Variants in DDI2 observed in about 807,000 individuals in gnomAD.
DDI2 encodes protein DDI1 homolog 2.
A neutral mutation model predicts 48.1 loss-of-function variants in DDI2; 5 were observed. The observed-to-expected ratio is 0.10, with a 90% CI of 0.05 to 0.22. The LOEUF (loss-of-function observed/expected upper bound fraction) is 0.22. DDI2 is among the 10% of genes least tolerant of loss of function. The pLI is 1.00. For synonymous variants in DDI2, 205 were observed against 183.6 expected (o/e 1.12, Z -0.94); for missense variants, 285 against 506.2 (o/e 0.56, Z 4.19).
rs1245661252 is a variant in DDI2, at chr1:15,654,652, G to C, written c.1184-1965G>C. ...AGCCTGGGTGACAGAGTGAGATCCT[G>C]TGTCCAAAAAAAAAAAAAAAACAAC... On this transcript the variant is annotated intron_variant, in intron 8 of 9. Transcript: ENST00000480945. Among the ~76,000 whole-genome samples the C allele has an allele frequency of 2.2e-5, 3 of 137,930 alleles. No homozygotes were observed. In the East Asian group the frequency reaches 6.0e-4, roughly 28 times the overall value. 90.5% of individuals were successfully genotyped at this position (137,930 alleles called of 152,430 possible).
At chr1:15,658,678 C>G (rs370983298) in intron 9 of DDI2, among the ~76,000 whole-genome samples, 2 of 151,166 alleles carry the variant, frequency 1.3e-5, no homozygotes, top group African/African-American at 2.4e-5. Flanking sequence ...CGCTTGGACC[C>G]GGGAGGCGGA....
At chr1:15,618,488 A>G (rs1639602319) in intron 1 of DDI2, among the ~76,000 whole-genome samples, 2 of 152,170 alleles carry the variant, frequency 1.3e-5, no homozygotes, top group South Asian at 4.1e-4. Flanking sequence ...CCCTGGTAGT[A>G]AGCCAGAAGG....
At position 15,652,058 on chromosome 1, in the gene DDI2, C is replaced by CTTTTTTTTTTTTTTTTTT. The variant is rs772990709; in HGVS notation, c.1183+170_1183+187dup. Among the ~76,000 whole-genome samples, 37 of 75,972 alleles carry CTTTTTTTTTTTTTTTTTT rather than the reference C, an allele frequency of 4.9e-4. 1 individual carries two copies. The highest frequency in any genetic ancestry group is 2.3e-3 in the African/African-American group (35 of 15,216). The allele number at this position is 75,972 out of a possible 152,430, so 49.8% of individuals were successfully genotyped here. A position where few individuals can be genotyped will look rare whatever the true frequency, so the allele number is the denominator to read the frequency against. The stretch of plus-strand genomic sequence containing the variant: ...TTCTTAACCTCCTTCTTTGATCTTC[C>CTTTTTTTTTTTTTTTTTT]TTTTTTTTTTTTTTTTTTTTTTTTG... On this transcript the variant is annotated intron_variant, in intron 8 of 9. Transcript: ENST00000480945.
At chr1:15,619,788 A>G (rs1317099173) in intron 1 of DDI2, among the ~76,000 whole-genome samples, 4 of 152,022 alleles carry the variant, frequency 2.6e-5, no homozygotes, top group African/African-American at 7.2e-5. Context: ...TCTAGCTGTT[A>G]TATTACCCTG....
intron 5 of DDI2, 109 bp downstream of exon 5, chr1:15,638,543 T>C (rs2103470261): frequency 7.6e-7 from 1 of 1,322,014 alleles, no homozygotes; most frequent in East Asian, 2.5e-5. Flanking sequence ...TTTTTTTTTT[T>C]TTTTTTTTTG....
chr1:15,637,603 G>A (rs751472794), intron 4 of DDI2, among the ~76,000 whole-genome samples: 3 of 152,114 alleles, frequency 2.0e-5, no homozygotes, highest in Non-Finnish European at 4.4e-5. Flanking sequence ...CCTGACCTCC[G>A]GTGATCCACC....
In DDI2 at chr1:15,665,383, A is replaced by G. The variant is rs1640437897; in HGVS notation, c.*5593A>G. Reference sequence around the variant, plus strand: ...ATCTTCTAGAGCTCCCTGTCTTCATATGTACTAAAGGGAGACACAACCCTA... The same window carrying G: ...ATCTTCTAGAGCTCCCTGTCTTCATGTGTACTAAAGGGAGACACAACCCTA... On this transcript the variant is annotated 3_prime_UTR_variant, in exon 10 of 10. Transcript: ENST00000480945. 1.3e-5 allele frequency: 2 copies of G among 152,062 alleles called. No homozygotes were observed. Among genetic ancestry groups the G allele is most frequent in the Non-Finnish European group, 2.9e-5 (2 of 68,060 alleles). 9.4% of individuals were successfully genotyped at this position (152,062 alleles called of 1,614,324 possible). A position where few individuals can be genotyped will look rare whatever the true frequency, so the allele number is the denominator to read the frequency against.
chr1:15,641,047 G>A (rs752448511), intron 5 of DDI2, among the ~76,000 whole-genome samples: 4 of 152,180 alleles, frequency 2.6e-5, no homozygotes, highest in African/African-American at 7.2e-5. Flanking sequence ...TAGAATGTAC[G>A]GCTGGAAAGA....
intron 6 of DDI2, among the ~76,000 whole-genome samples, chr1:15,647,367 C>G (rs537967381): frequency 6.6e-6 from 1 of 151,910 alleles, no homozygotes; most frequent in Non-Finnish European, 1.5e-5. Flanking sequence ...AGGCTGGTCT[C>G]GAACTCCTGA....
At chr1:15,646,463 G>A (rs998630235) in intron 6 of DDI2, among the ~76,000 whole-genome samples, 2 of 152,180 alleles carry the variant, frequency 1.3e-5, no homozygotes, top group East Asian at 1.9e-4. Flanking sequence ...GAGGCAGGTG[G>A]ATCACCTGAG....
At chr1:15,629,476 A>G (rs1347565773) in intron 2 of DDI2, among the ~76,000 whole-genome samples, 4 of 151,858 alleles carry the variant, frequency 2.6e-5, no homozygotes, top group African/African-American at 9.7e-5. Flanking sequence ...ACACGCCTGT[A>G]ATCCCAGCTA....
chr1:15,666,720 G>C lies in DDI2; in HGVS notation c.*6930G>C, dbSNP rs1035793313. ...GGTAACTAAAACAGATTGGAACCCT[G>C]CCCTTGTGAAGCTTTCAGTCTAGAA... On this transcript the variant is annotated 3_prime_UTR_variant, in exon 10 of 10. Transcript: ENST00000480945. 6.6e-6 allele frequency: 1 copy of C among 152,168 alleles called. No homozygotes were observed. Among genetic ancestry groups the C allele is most frequent in the African/African-American group, 2.4e-5 (1 of 41,444 alleles). The allele number at this position is 152,168 out of a possible 1,614,324, so 9.4% of individuals were successfully genotyped here.
chr1:15,654,854 G>A (rs557835254), intron 8 of DDI2, among the ~76,000 whole-genome samples: 2 of 151,598 alleles, frequency 1.3e-5, no homozygotes, highest in Non-Finnish European at 2.9e-5. Context: ...TCCTTACAAG[G>A]TTTTGCATTT....
rs757468909 is a variant in DDI2, at chr1:15,643,622, C to A, written c.861C>A (p.Thr287=). The A allele has an allele frequency of 1.9e-6, 3 of 1,614,014 alleles. No homozygotes were observed. In the South Asian group the frequency reaches 3.3e-5, roughly 18 times the overall value. Residue 287 remains threonine (T), a synonymous_variant, in exon 6 of 10, where the codon ACC becomes ACA. Coordinates refer to ENST00000480945, the MANE Select transcript of DDI2 (RefSeq NM_032341.5). ...CAGGGATTGCCAAAGGAGTGGGCACCCAGAAGATTATTGGAAGGGTACATC... is the reference window on the plus strand; with the variant it reads ...CAGGGATTGCCAAAGGAGTGGGCACACAGAAGATTATTGGAAGGGTACATC... The part of the protein sequence containing the change: ...RWAGIAKGVG[T]QKIIGRVHLA...
rs139607931 is a variant in DDI2 at position 15,618,345 on chromosome 1, G to GTT, written c.138+539_138+540dup. On this transcript the variant is annotated intron_variant, in intron 1 of 9. Coordinates refer to ENST00000480945, the MANE Select transcript of DDI2 (RefSeq NM_032341.5). ...ATTTGCACTTCCGGTGAAAGAAAAA[G>GTT]TTTAAGACTTGCACTACCTCATTTT... 9.1e-4 allele frequency among the ~76,000 whole-genome samples: 135 copies of GTT among 148,586 alleles called. 2 individuals are homozygous for GTT. In the East Asian group the frequency reaches 0.023, roughly 26 times the overall value.
At chr1:15,627,914 G>A (rs1243544744) in intron 2 of DDI2, among the ~76,000 whole-genome samples, 1 of 152,120 alleles carries the variant, frequency 6.6e-6, no homozygotes, top group Non-Finnish European at 1.5e-5. Flanking sequence ...GAAGACATTA[G>A]TCCCTTGGGG....
chr1:15,656,881 G>A (rs894858317), intron 9 of DDI2: 27 of 636,484 alleles, frequency 4.2e-5, no homozygotes, highest in Non-Finnish European at 6.1e-5. Flanking sequence ...AAATGGATTC[G>A]TTATTAGAAC....
rs1343778953 is a variant in DDI2 at position 15,660,321 on chromosome 1, T to C, written c.*531T>C. 3.7e-6 allele frequency: 6 copies of C among 1,614,130 alleles called. No individual in the cohort carries two copies. The highest frequency in any genetic ancestry group is 5.1e-6 in the Non-Finnish European group (6 of 1,180,028). ...CACAGATGTTTCTAGGTGAAAAGGATTGGCATCCAGAAAATCAGAACCTGA... is the reference window on the plus strand; with the variant it reads ...CACAGATGTTTCTAGGTGAAAAGGACTGGCATCCAGAAAATCAGAACCTGA... On this transcript the variant is annotated 3_prime_UTR_variant, in exon 10 of 10. Coordinates refer to ENST00000480945, the MANE Select transcript of DDI2 (RefSeq NM_032341.5).
In DDI2 at chr1:15,667,290, T is replaced by G. The variant is rs942157439; in HGVS notation, c.*7500T>G. The G allele has an allele frequency of 6.6e-6, 1 of 152,030 alleles. No individual in the cohort carries two copies. Among genetic ancestry groups the G allele is most frequent in the Non-Finnish European group, 1.5e-5 (1 of 68,006 alleles). 9.4% of individuals were successfully genotyped at this position (152,030 alleles called of 1,614,324 possible). A position where few individuals can be genotyped will look rare whatever the true frequency, so the allele number is the denominator to read the frequency against. On this transcript the variant is annotated 3_prime_UTR_variant, in exon 10 of 10. Transcript: ENST00000480945. ...TATAAATGCCTGAGGAGATCAGTTATTGAGAAATCCATTTACAATGCTGGA... is the reference window on the plus strand; with the variant it reads ...TATAAATGCCTGAGGAGATCAGTTAGTGAGAAATCCATTTACAATGCTGGA...
Sources: allele counts gnomAD v4.1 joint callset (sites outside exome capture counted in the v4.1 genomes callset), GRCh38; gene constraint gnomAD v4.1.1; transcripts MANE v1.5; gene names NCBI Gene and HGNC (gene_info 2026-07-23, HGNC 2026-07-21).